DYNC1I1: variants seen among roughly 807,000 people sequenced by gnomAD.
The protein encoded by DYNC1I1 is cytoplasmic dynein 1 intermediate chain 1.
Under a neutral mutation model 86.6 loss-of-function variants are expected in DYNC1I1, and 43 were observed. The ratio of observed to expected loss-of-function variants is 0.50; its 90% confidence interval spans 0.39 to 0.64. The LOEUF is 0.64. Among genes scored for constraint, DYNC1I1 ranks in the 30% least tolerant of loss-of-function variants. The probability of loss-of-function intolerance (pLI) is 0.00; values close to 1 mark genes in which losing one functional copy is unlikely to be tolerated. For synonymous variants in DYNC1I1, 262 were observed against 283.7 expected (o/e 0.92, Z 0.77); for missense variants, 604 against 788.8 (o/e 0.77, Z 2.81).
At chr7:95,862,606 T>C (rs1265774395) in intron 5 of DYNC1I1, among the ~76,000 whole-genome samples, 1 of 152,216 alleles carries the variant, frequency 6.6e-6, no homozygotes, top group Admixed American at 6.5e-5. Flanking sequence ...CTAGTGGGAA[T>C]GTAAAATGGT....
At chr7:95,959,803 G>A (rs984243363) in intron 6 of DYNC1I1, among the ~76,000 whole-genome samples, 1 of 152,128 alleles carries the variant, frequency 6.6e-6, no homozygotes, top group Non-Finnish European at 1.5e-5. Context: ...AATTCAATGA[G>A]AGAATCATTG....
chr7:95,913,602 A>G (rs906366136), intron 6 of DYNC1I1, among the ~76,000 whole-genome samples: 4 of 152,180 alleles, frequency 2.6e-5, no homozygotes, highest in Non-Finnish European at 4.4e-5. Context: ...GCCTTCTTCC[A>G]TGATTATGAG....
intron 6 of DYNC1I1, among the ~76,000 whole-genome samples, chr7:95,919,208 T>C (rs1394450921): frequency 6.6e-6 from 1 of 152,178 alleles, no homozygotes; most frequent in Admixed American, 6.5e-5. Context: ...ATGTTTTCCA[T>C]AGGTTACACT....
chr7:96,018,428 G>A lies in DYNC1I1; in HGVS notation c.970-9747G>A, dbSNP rs767111355. Among the ~76,000 whole-genome samples, 13 of 152,110 alleles carry A rather than the reference G, an allele frequency of 8.5e-5. 1 individual carries two copies. Among genetic ancestry groups the A allele is most frequent in the Non-Finnish European group, 2.9e-5 (2 of 68,036 alleles). ...TTCCTAATCCAAAAAATATATATAG[G>A]CAAAATTACCCACCTAGTAAGACTG... On this transcript the variant is annotated intron_variant, in intron 10 of 16. Coordinates refer to ENST00000447467, the MANE Select transcript of DYNC1I1 (RefSeq NM_001135556.2).
chr7:96,063,123 GTGTGTGTGTA>G (rs778333093), intron 14 of DYNC1I1, among the ~76,000 whole-genome samples: 204 of 145,012 alleles, frequency 1.4e-3, no homozygotes, highest in African/African-American at 5.0e-3. Flanking sequence ...GTGTGTGTGT[GTGTGTGTGTA>G]TGTGTGTGTT....
intron 14 of DYNC1I1, among the ~76,000 whole-genome samples, chr7:96,067,970 G>A (rs1348229970): frequency 2.6e-5 from 4 of 152,004 alleles, no homozygotes; most frequent in African/African-American, 9.7e-5. Flanking sequence ...CCACCTTTCT[G>A]CTCTAACCTA....
chr7:96,087,547 AC>A (rs1369226419), intron 16 of DYNC1I1, among the ~76,000 whole-genome samples: 6 of 152,226 alleles, frequency 3.9e-5, no homozygotes, highest in Non-Finnish European at 7.3e-5. Flanking sequence ...AGGTGGATAA[AC>A]AATATTATTT....
rs973394081 is a variant in DYNC1I1 at position 95,870,390 on chromosome 7, C to T, written c.490+392C>T. Among the ~76,000 whole-genome samples, 60 of 149,012 alleles carry T rather than the reference C, an allele frequency of 4.0e-4. No homozygotes were observed. The East Asian group carries it at 8.7e-3, about 22-fold the overall frequency. ...ATGGCTTAGCAAACTATAGCCCACC[C>T]ACCTGTTCCTAGAAATAAGGTGTTG... On this transcript the variant is annotated intron_variant, in intron 6 of 16. Coordinates refer to ENST00000447467, the MANE Select transcript of DYNC1I1 (RefSeq NM_001135556.2).
At chr7:95,978,304 A>G (rs554763807) in intron 7 of DYNC1I1, among the ~76,000 whole-genome samples, 12 of 152,334 alleles carry the variant, frequency 7.9e-5, no homozygotes, top group African/African-American at 2.6e-4. Flanking sequence ...AGTTAAATCC[A>G]AAGTTTACAT....
intron 1 of DYNC1I1, among the ~76,000 whole-genome samples, chr7:95,787,423 C>A (rs1054219346): frequency 2.0e-5 from 3 of 152,044 alleles, no homozygotes; most frequent in African/African-American, 7.2e-5. Context: ...GAGGCAGAAT[C>A]TAGGTGTGGC....
At chr7:96,029,181 TCTC>T (rs142433692) in intron 11 of DYNC1I1, among the ~76,000 whole-genome samples, 6,336 of 152,136 alleles carry the variant, frequency 0.042, 143 homozygotes, top group South Asian at 0.067. Context: ...GGAGGAAAAA[TCTC>T]CTACTCTTGT....
chr7:95,779,828 A>G (rs949351642), intron 1 of DYNC1I1, among the ~76,000 whole-genome samples: 1 of 152,194 alleles, frequency 6.6e-6, no homozygotes, highest in African/African-American at 2.4e-5. Flanking sequence ...CCTGAAATGT[A>G]GCGCCCATTT....
intron 6 of DYNC1I1, among the ~76,000 whole-genome samples, chr7:95,952,007 G>A (rs1792572505): frequency 6.6e-6 from 1 of 152,180 alleles, no homozygotes; most frequent in South Asian, 2.1e-4. Context: ...AACAGAGAAG[G>A]ACCTTTTTAT....
At chr7:96,021,679 C>G (rs1282916973) in intron 10 of DYNC1I1, among the ~76,000 whole-genome samples, 2 of 152,136 alleles carry the variant, frequency 1.3e-5, no homozygotes, top group Non-Finnish European at 2.9e-5. Flanking sequence ...TCCTTCCAAG[C>G]CCAGCCCTAG....
At chr7:95,820,840 A>G (rs1462276958) in intron 4 of DYNC1I1, among the ~76,000 whole-genome samples, 1 of 152,248 alleles carries the variant, frequency 6.6e-6, no homozygotes, top group Non-Finnish European at 1.5e-5. Flanking sequence ...GGCCTCCCAA[A>G]GCTCTGGGAT....
intron 12 of DYNC1I1, among the ~76,000 whole-genome samples, chr7:96,035,404 C>A (rs1794905243): frequency 6.6e-6 from 1 of 152,206 alleles, no homozygotes; most frequent in South Asian, 2.1e-4. Context: ...TAAGAAGCAG[C>A]AGCACATGCT....
At chr7:95,906,957 G>A (rs2188505) in intron 6 of DYNC1I1, among the ~76,000 whole-genome samples, 18,813 of 152,058 alleles carry the variant, frequency 0.12, 1,207 homozygotes, top group East Asian at 0.21. Context: ...TTTTAGCTGG[G>A]CTTCCATCTC....
At chr7:95,852,045 C>T (rs1470090981) in intron 5 of DYNC1I1, among the ~76,000 whole-genome samples, 1 of 152,056 alleles carries the variant, frequency 6.6e-6, no homozygotes, top group Non-Finnish European at 1.5e-5. Context: ...TGGAAGTGTC[C>T]CTCTCTTCAG....
chr7:95,886,815 G>C (rs1376421841), intron 6 of DYNC1I1, among the ~76,000 whole-genome samples: 1 of 152,214 alleles, frequency 6.6e-6, no homozygotes, highest in Admixed American at 6.5e-5. Context: ...GAGCAGCAGT[G>C]ATCACAGAGA....
Sources: allele counts gnomAD v4.1 joint callset (sites outside exome capture counted in the v4.1 genomes callset), GRCh38; gene constraint gnomAD v4.1.1; transcripts MANE v1.5; gene names NCBI Gene and HGNC (gene_info 2026-07-23, HGNC 2026-07-21).